The following RSBN1 variants were observed in gnomAD, a reference collection of about 807,000 sequenced individuals.
The protein encoded by RSBN1 is lysine-specific demethylase 9.
A neutral mutation model predicts 74.8 loss-of-function variants in RSBN1; 23 were observed. The ratio of observed to expected loss-of-function variants is 0.31; its 90% CI spans 0.22 to 0.44. The LOEUF is 0.44. RSBN1 is among the 20% of genes least tolerant of loss of function. RSBN1 has a pLI of 1.00. For missense variants in RSBN1, 808 were observed against 1,020.9 expected (o/e 0.79, Z 2.84); for synonymous variants, 407 against 379.6 (o/e 1.07, Z -0.84).
At chr1:113,802,353 C>G (rs944697792) in intron 1 of RSBN1, among the ~76,000 whole-genome samples, 1 of 150,324 alleles carries the variant, frequency 6.7e-6, no homozygotes, top group Admixed American at 6.6e-5. Flanking sequence ...TCGTAAAAAT[C>G]ACAGTAGATG....
chr1:113,784,169 A>T (rs1660194342), intron 2 of RSBN1, among the ~76,000 whole-genome samples: 1 of 152,178 alleles, frequency 6.6e-6, no homozygotes, highest in South Asian at 2.1e-4. Flanking sequence ...ACAGTCTTCA[A>T]ATACTTGGAG....
Position 113,812,052 on chromosome 1 carries a change from G to C in RSBN1, c.361C>G (p.His121Asp). The change falls in exon 1 of 7, where the codon CAT (histidine) becomes GAT (aspartate). Residue 121 changes from histidine to aspartate, a missense_variant. Physicochemically the swap from His to Asp is moderately conservative, Grantham distance 81. Coordinates refer to ENST00000261441, the MANE Select transcript of RSBN1 (RefSeq NM_018364.5). ...PPHRRRRSRQ[H>D]PGPLPPTNAA... ...TTCGTTGGCGGCAGCGGCCCAGGAT[G>C]TTGGCGGCTGCGACGCCGCCGGTGA... The C allele has an allele frequency of 6.5e-7, 1 of 1,547,558 alleles. No individual in the cohort carries two copies. The highest frequency in any genetic ancestry group is 8.7e-7 in the Non-Finnish European group (1 of 1,149,250).
intron 1 of RSBN1, among the ~76,000 whole-genome samples, chr1:113,807,257 T>C (rs1291017353): frequency 1.4e-5 from 2 of 146,334 alleles, no homozygotes; most frequent in African/African-American, 5.1e-5. Context: ...GAGGTTGCAG[T>C]GAGCCAGGAT....
At chr1:113,773,752 C>T (rs1251976403) in intron 4 of RSBN1, among the ~76,000 whole-genome samples, 1 of 152,200 alleles carries the variant, frequency 6.6e-6, no homozygotes, top group Non-Finnish European at 1.5e-5. Context: ...CGCCTGTAAT[C>T]CCAGCACTTG....
rs369054295 is a variant in RSBN1 at position 113,797,464 on chromosome 1, A to G, written c.1276T>C (p.Leu426=). 6.2e-7 allele frequency: 1 copy of G among 1,614,002 alleles called. No homozygotes were observed. The highest frequency in any genetic ancestry group is 1.3e-5 in the African/African-American group (1 of 74,942). Residue 426 remains leucine (L), a synonymous_variant, in exon 2 of 7, where the codon TTG becomes CTG. Coordinates refer to ENST00000261441, the MANE Select transcript of RSBN1 (RefSeq NM_018364.5). ...GGGAAATTAAAAGCAAAGTAGTCCA[A>G]GAAGTCTGGGAGATAAGCAGCCGCT... ...HGAAAYLPDF[L]DYFAFNFPNT... is the part of the protein sequence containing the mutation.
At chr1:113,785,705 G>A (rs892511315) in intron 2 of RSBN1, among the ~76,000 whole-genome samples, 7 of 152,166 alleles carry the variant, frequency 4.6e-5, no homozygotes, top group Non-Finnish European at 7.4e-5. Flanking sequence ...ATCCTGATCC[G>A]GGGAATAAAG....
At position 113,768,283 on chromosome 1, in the gene RSBN1, C is replaced by A; in HGVS notation, c.1765G>T (p.Gly589Trp). 6.2e-7 allele frequency: 1 copy of A among 1,613,666 alleles called. No individual in the cohort carries two copies. The highest frequency in any genetic ancestry group is 8.5e-7 in the Non-Finnish European group (1 of 1,179,726). ...TRAHADHVGQ[G>W]FDWQSTAAVG... ...GCAGCCGTACTCTGCCAGTCAAACC[C>A]CTGACCGACATGATCAGCATGAGCT... The change falls in exon 5 of 7, where the codon GGG (glycine) becomes TGG (tryptophan). Residue 589 changes from glycine (G) to tryptophan (W), a missense_variant. Coordinates refer to ENST00000261441, the MANE Select transcript of RSBN1 (RefSeq NM_018364.5).
chr1:113,797,296 C>G (rs1163960450), intron 2 of RSBN1, 67 bp downstream of exon 2: 1 of 1,274,772 alleles, frequency 7.8e-7, no homozygotes, highest in East Asian at 2.4e-5. Flanking sequence ...ATGTGCTGTG[C>G]GACAGAAAGA....
Position 113,812,439 on chromosome 1 carries a change from C to T in RSBN1, c.-27G>A. The T allele has an allele frequency of 7.7e-6, 12 of 1,555,796 alleles. No individual in the cohort carries two copies. The highest frequency in any genetic ancestry group is 1.0e-5 in the Non-Finnish European group (12 of 1,157,906). On this transcript the variant is annotated 5_prime_UTR_variant, in exon 1 of 7. Transcript: ENST00000261441. ...CCGGAAGCGGCCGTTCCCAGCTTTT[C>T]TCCGCAGGCCTCTCCAACCGAGCTT...
intron 1 of RSBN1, among the ~76,000 whole-genome samples, chr1:113,807,737 G>A (rs1660736700): frequency 6.7e-6 from 1 of 149,998 alleles, no homozygotes; most frequent in South Asian, 2.1e-4. Context: ...CTCCAGCCTG[G>A]GCAACAAGAG....
At chr1:113,808,949 A>C (rs1480386408) in intron 1 of RSBN1, among the ~76,000 whole-genome samples, 1 of 152,132 alleles carries the variant, frequency 6.6e-6, no homozygotes, top group Non-Finnish European at 1.5e-5. Context: ...CCTGGTGTTG[A>C]TATTATACAA....
intron 1 of RSBN1, among the ~76,000 whole-genome samples, chr1:113,802,341 G>A (rs549742435): frequency 6.6e-6 from 1 of 150,524 alleles, no homozygotes; most frequent in Non-Finnish European, 1.5e-5. Context: ...AGTATCTTCA[G>A]TTCGTAAAAA....
At position 113,784,184 on chromosome 1, in the gene RSBN1, G is replaced by A. The variant is rs562149283; in HGVS notation, c.1378-6376C>T. On this transcript the variant is annotated intron_variant, in intron 2 of 6. Coordinates refer to ENST00000261441, the MANE Select transcript of RSBN1 (RefSeq NM_018364.5). ...ACAGTCTTCAAATACTTGGAGGCCT[G>A]TAACATGAGTTACAGGAAAGCAGGT... Among the ~76,000 whole-genome samples, 9 of 152,262 alleles carry A rather than the reference G, an allele frequency of 5.9e-5. No individual in the cohort carries two copies. The South Asian group carries it at 8.3e-4, about 14-fold the overall frequency.
At chr1:113,770,747 C>A (rs113680697) in intron 4 of RSBN1, among the ~76,000 whole-genome samples, 414 of 152,222 alleles carry the variant, frequency 2.7e-3, no homozygotes, top group African/African-American at 9.5e-3. Context: ...TCACCAGCTT[C>A]TGAAGATAGC....
chr1:113,785,115 T>C (rs2101805542), intron 2 of RSBN1, among the ~76,000 whole-genome samples: 1 of 143,246 alleles, frequency 7.0e-6, no homozygotes, highest in Admixed American at 7.4e-5. Context: ...AGGTATTTTC[T>C]ACTTAAAAAC....
At chr1:113,787,392 G>T (rs1660266668) in intron 2 of RSBN1, among the ~76,000 whole-genome samples, 1 of 152,172 alleles carries the variant, frequency 6.6e-6, no homozygotes, top group Non-Finnish European at 1.5e-5. Flanking sequence ...GGTGAAAAAT[G>T]TACAGGGAAA....
At chr1:113,810,398 C>CAT (rs2101831563) in intron 1 of RSBN1, among the ~76,000 whole-genome samples, 1 of 151,932 alleles carries the variant, frequency 6.6e-6, no homozygotes, top group East Asian at 1.9e-4. Context: ...CACACACACA[C>CAT]ACACACACAC....
At chr1:113,769,395 T>G (rs929783891) in intron 4 of RSBN1, among the ~76,000 whole-genome samples, 5 of 151,982 alleles carry the variant, frequency 3.3e-5, no homozygotes, top group Non-Finnish European at 7.4e-5. Flanking sequence ...TGTTATCTCC[T>G]TCTACATTAA....
intron 4 of RSBN1, among the ~76,000 whole-genome samples, chr1:113,771,747 T>C (rs113762783): frequency 2.9e-3 from 382 of 133,722 alleles, no homozygotes; most frequent in African/African-American, 0.01. Context: ...AATAAAAAGA[T>C]GGGAAGCAAT....
Sources: allele counts gnomAD v4.1 joint callset (sites outside exome capture counted in the v4.1 genomes callset), GRCh38; gene constraint gnomAD v4.1.1; transcripts MANE v1.5; gene names NCBI Gene and HGNC (gene_info 2026-07-23, HGNC 2026-07-21).